The following IL7 variants were observed in gnomAD, a reference collection of about 807,000 sequenced individuals.
IL7 encodes interleukin-7.
In IL7, 3 loss-of-function variants were observed where a neutral mutation model predicts 21.6. The ratio of observed to expected loss-of-function variants is 0.14; its 90% CI spans 0.06 to 0.36. The LOEUF (loss-of-function observed/expected upper bound fraction) is 0.36, where lower values mean the gene tolerates loss of function less well. IL7 is among the 10% of genes least tolerant of loss of function. The pLI is 1.00. For synonymous variants in IL7, 62 were observed against 68.1 expected, an observed-to-expected ratio of 0.91 and a Z score of 0.44; for missense variants, 175 against 200.2, an observed-to-expected ratio of 0.87 and a Z score of 0.76.
At chr8:78,724,307 G>A (rs2717544) in intron 3 of IL7, among the ~76,000 whole-genome samples, 2 of 151,868 alleles carry the variant, frequency 1.3e-5, no homozygotes, top group African/African-American at 4.8e-5. Context: ...TAAGAGGTAT[G>A]TTGCCATGCT....
At chr8:78,762,236 G>C in intron 2 of IL7, 2 of 1,576,422 alleles carry the variant, frequency 1.3e-6, no homozygotes, top group Admixed American at 3.3e-5. Context: ...GATCATAGAG[G>C]TCTCAAAATG....
At position 78,696,095 on chromosome 8, in the gene IL7, C is replaced by A. The variant is rs1252994870; in HGVS notation, n.215-10148G>T. ...CTGTTGCCAGGCTAGAGTGCAGTGG[C>A]GTGATCTCGGCTCACTGCAAGCTCC... On this transcript the variant is annotated intron_variant and non_coding_transcript_variant, in intron 3 of 4. Transcript: ENST00000523959. Among the ~76,000 whole-genome samples, 8 of 151,772 alleles carry A rather than the reference C, an allele frequency of 5.3e-5. No individual in the cohort carries two copies. The South Asian group carries it at 8.3e-4, about 16-fold the overall frequency.
chr8:78,781,102 A>G (rs1048326933), intron 2 of IL7, among the ~76,000 whole-genome samples: 2 of 152,040 alleles, frequency 1.3e-5, no homozygotes, highest in Non-Finnish European at 2.9e-5. Flanking sequence ...TTTTGAGCCT[A>G]TATGTGTCTT....
At chr8:78,737,197 T>C (rs1389218927) in intron 4 of IL7, among the ~76,000 whole-genome samples, 1 of 152,142 alleles carries the variant, frequency 6.6e-6, no homozygotes, top group Non-Finnish European at 1.5e-5. Context: ...GACCTTTACC[T>C]CTTAGTAGAC....
At chr8:78,696,334 C>T (rs1001013368) in intron 3 of IL7, among the ~76,000 whole-genome samples, 9 of 152,016 alleles carry the variant, frequency 5.9e-5, no homozygotes, top group African/African-American at 1.7e-4. Flanking sequence ...GTGCCCAGCC[C>T]GTTAAAACCA....
At chr8:78,726,801 G>A (rs191965418) in intron 3 of IL7, among the ~76,000 whole-genome samples, 133 of 151,992 alleles carry the variant, frequency 8.8e-4, no homozygotes, top group Non-Finnish European at 1.4e-3. Context: ...AAATAAAGGC[G>A]TGTTTGTTAT....
chr8:78,700,652 CTT>C (rs1205049778), intron 3 of IL7, among the ~76,000 whole-genome samples: 2 of 152,098 alleles, frequency 1.3e-5, no homozygotes, highest in African/African-American at 4.8e-5. Context: ...TTACATTAGT[CTT>C]TAATCCATCT....
intron 2 of IL7, among the ~76,000 whole-genome samples, chr8:78,775,740 T>TG (rs1813111301): frequency 6.6e-6 from 1 of 152,006 alleles, no homozygotes; most frequent in African/African-American, 2.4e-5. Context: ...ACTAGGGCAG[T>TG]GGTTTTCATA....
At chr8:78,761,105 A>G in intron 2 of IL7, 4 of 1,594,312 alleles carry the variant, frequency 2.5e-6, no homozygotes, top group Non-Finnish European at 3.4e-6. Flanking sequence ...AAGTGCTTGC[A>G]GGAGTTCCAC....
chr8:78,728,351 T>A (rs1811369436), downstream of IL7, among the ~76,000 whole-genome samples: 1 of 151,956 alleles, frequency 6.6e-6, no homozygotes, highest in Non-Finnish European at 1.5e-5. Context: ...ACTGGAGGAC[T>A]CAAATGACCC....
chr8:78,774,866 C>T (rs925243110), intron 2 of IL7, among the ~76,000 whole-genome samples: 2 of 151,962 alleles, frequency 1.3e-5, no homozygotes, highest in Non-Finnish European at 2.9e-5. Context: ...TGTGAGTTTT[C>T]ATTTGTGAAA....
At chr8:78,746,408 C>T (rs772058748) in intron 2 of IL7, among the ~76,000 whole-genome samples, 12 of 152,232 alleles carry the variant, frequency 7.9e-5, no homozygotes, top group Non-Finnish European at 1.8e-4. Flanking sequence ...ATGAGTTTCT[C>T]CACAGGCTTT....
chr8:78,788,054 C>G (rs750860802), intron 2 of IL7, among the ~76,000 whole-genome samples: 2 of 152,074 alleles, frequency 1.3e-5, no homozygotes, highest in Non-Finnish European at 1.5e-5. Flanking sequence ...CATCAAAATA[C>G]TTTTACCTCA....
At chr8:78,701,265 G>C (rs1314353339) in intron 3 of IL7, among the ~76,000 whole-genome samples, 1 of 152,188 alleles carries the variant, frequency 6.6e-6, no homozygotes, top group Non-Finnish European at 1.5e-5. Flanking sequence ...TTGTGAATGG[G>C]AGTTTGTTCC....
chr8:78,725,002 G>A (rs1244793861), intron 3 of IL7, among the ~76,000 whole-genome samples: 1 of 151,942 alleles, frequency 6.6e-6, no homozygotes, highest in Non-Finnish European at 1.5e-5. Context: ...TCTAAATTTT[G>A]TTATTATCTG....
chr8:78,686,194 A>G (rs1391574834), intron 3 of IL7, among the ~76,000 whole-genome samples: 3 of 152,150 alleles, frequency 2.0e-5, no homozygotes, highest in South Asian at 2.1e-4. Flanking sequence ...CCACAGCAAC[A>G]GTCTTAGTGG....
rs138697248 is a variant in IL7, at chr8:78,774,155, A to G, written c.147+23917T>C. ...AACATTTTGGATTTCATTACTTATA[A>G]TAATTTTCAATGCCTAAGTTTTGAG... On this transcript the variant is annotated intron_variant, in intron 2 of 5. Coordinates refer to ENST00000263851, the MANE Select transcript of IL7 (RefSeq NM_000880.4). Among the ~76,000 whole-genome samples the G allele has an allele frequency of 1.6e-4, 25 of 152,220 alleles. 1 individual carries two copies. The East Asian group carries it at 4.8e-3, about 29-fold the overall frequency.
chr8:78,675,932 C>G (rs1809564971), exon 5 of IL7: 2 of 1,359,350 alleles, frequency 1.5e-6, no homozygotes, highest in South Asian at 1.2e-5. Flanking sequence ...CTGGTCAATT[C>G]TCATGGGAAG....
intron 3 of IL7, among the ~76,000 whole-genome samples, chr8:78,708,683 C>CT (rs1192881506): frequency 3.6e-4 from 44 of 121,026 alleles, no homozygotes; most frequent in African/African-American, 4.4e-4. Flanking sequence ...TTTTTTTTTT[C>CT]TTTTTTTTTT....
Sources: gnomAD v4.1 joint callset for allele counts (sites outside exome capture counted in the v4.1 genomes callset) on GRCh38, gnomAD v4.1.1 for gene constraint, MANE v1.5 for transcripts, NCBI Gene and HGNC (gene_info 2026-07-23, HGNC 2026-07-21) for gene names.